The following AGMO variants were observed in gnomAD, a reference collection of about 807,000 sequenced individuals.
The protein encoded by AGMO is alkylglycerol monooxygenase, also known as glyceryl-ether monooxygenase.
Under a neutral mutation model 60.2 loss-of-function variants are expected in AGMO, and 75 were observed. The observed-to-expected ratio is 1.25, with a 90% confidence interval of 1.03 to 1.51. The LOEUF is 1.51. AGMO is among the 40% of genes most tolerant of loss of function. The pLI, the probability that AGMO is intolerant of heterozygous loss-of-function variation, is 0.00. For missense variants in AGMO, 763 were observed against 525.5 expected (o/e 1.45, Z -4.42); for synonymous variants, 261 against 177.1 (o/e 1.47, Z -3.76).
chr7:15,544,722 C>T, intron 3 of AGMO, 50 bp downstream of exon 3: 13 of 1,428,244 alleles, frequency 9.1e-6, no homozygotes, highest in Non-Finnish European at 1.2e-5. Flanking sequence ...GTACTATGTA[C>T]CAAACACAGT....
chr7:15,438,656 A>T (rs1781464256), intron 3 of AGMO, among the ~76,000 whole-genome samples: 1 of 152,154 alleles, frequency 6.6e-6, no homozygotes. Flanking sequence ...AACAGCAATC[A>T]ACATGACGAA....
chr7:15,533,374 T>A (rs1362969302), intron 3 of AGMO, among the ~76,000 whole-genome samples: 1 of 152,166 alleles, frequency 6.6e-6, no homozygotes, highest in East Asian at 1.9e-4. Context: ...ACAATAACAA[T>A]GTACCTATAT....
chr7:15,449,441 C>T (rs1781799271), intron 3 of AGMO, among the ~76,000 whole-genome samples: 1 of 151,888 alleles, frequency 6.6e-6, no homozygotes, highest in African/African-American at 2.4e-5. Flanking sequence ...CATAGTGGTC[C>T]CATAAGATTA....
At chr7:15,488,731 A>G (rs1276061161) in intron 3 of AGMO, among the ~76,000 whole-genome samples, 1 of 152,194 alleles carries the variant, frequency 6.6e-6, no homozygotes, top group Admixed American at 6.5e-5. Flanking sequence ...TTCCTAAGAT[A>G]ACTAGCCAGG....
intron 3 of AGMO, among the ~76,000 whole-genome samples, chr7:15,516,598 T>C (rs1486662485): frequency 2.0e-5 from 3 of 152,206 alleles, no homozygotes; most frequent in Admixed American, 2.0e-4. Context: ...TTTGTAAAGA[T>C]GCAGGTATTG....
At chr7:15,393,542 T>C (rs762350687) in intron 6 of AGMO, among the ~76,000 whole-genome samples, 7 of 152,246 alleles carry the variant, frequency 4.6e-5, no homozygotes, top group African/African-American at 1.4e-4. Flanking sequence ...CATTGCTATA[T>C]AGGGCTTGGG....
At chr7:15,149,369 C>G in the AGMO span, among the ~76,000 whole-genome samples, 2 of 152,080 alleles carry the variant, frequency 1.3e-5, no homozygotes, top group Non-Finnish European at 2.9e-5. Context: ...CTTTTGGAGA[C>G]TTCACCATGA....
At chr7:15,284,610 C>A (rs1420918217) in intron 12 of AGMO, among the ~76,000 whole-genome samples, 1 of 151,948 alleles carries the variant, frequency 6.6e-6, no homozygotes, top group Non-Finnish European at 1.5e-5. Context: ...AGACCAGGGC[C>A]AGATGGATCC....
chr7:15,555,239 A>C (rs1236675904), intron 2 of AGMO, among the ~76,000 whole-genome samples: 1 of 149,312 alleles, frequency 6.7e-6, no homozygotes, highest in Non-Finnish European at 1.5e-5. Flanking sequence ...TTAAAACTCC[A>C]AGAAGTTACA....
In AGMO at chr7:15,283,608, T is replaced by G. The variant is rs147321450; in HGVS notation, c.1263+81906A>C. Among the ~76,000 whole-genome samples the G allele has an allele frequency of 1.1e-3, 169 of 151,846 alleles. 1 individual carries two copies. Among genetic ancestry groups the G allele is most frequent in the Non-Finnish European group, 1.6e-3 (108 of 67,748 alleles). ...AACAAATACTACTAGACCTAAAAAA[T>G]GAGATGAATAGTAATGCAATAATAA... On this transcript the variant is annotated intron_variant, in intron 12 of 12. Transcript: ENST00000342526.
intron 3 of AGMO, among the ~76,000 whole-genome samples, chr7:15,477,228 A>T (rs1420576137): frequency 1.3e-5 from 2 of 152,134 alleles, no homozygotes; most frequent in Admixed American, 1.3e-4. Context: ...TAAAATAAAT[A>T]TTGAAGAACA....
chr7:15,136,263 G>A, the AGMO span, among the ~76,000 whole-genome samples: 1 of 151,994 alleles, frequency 6.6e-6, no homozygotes, highest in African/African-American at 2.4e-5. Flanking sequence ...AAAGTGCTGG[G>A]ATTACAGGCA....
intron 3 of AGMO, among the ~76,000 whole-genome samples, chr7:15,540,495 T>A (rs1202918298): frequency 1.3e-5 from 2 of 152,158 alleles, no homozygotes; most frequent in Non-Finnish European, 2.9e-5. Context: ...TGTTCTGGCT[T>A]TGCAGTGTCC....
At chr7:15,347,558 G>C (rs192745932) in intron 12 of AGMO, among the ~76,000 whole-genome samples, 1 of 151,548 alleles carries the variant, frequency 6.6e-6, no homozygotes, top group African/African-American at 2.4e-5. Flanking sequence ...TTAAAACCTC[G>C]CCTAGAAGAT....
intron 12 of AGMO, among the ~76,000 whole-genome samples, chr7:15,251,122 C>G (rs1380377126): frequency 6.6e-6 from 1 of 151,898 alleles, no homozygotes; most frequent in East Asian, 1.9e-4. Flanking sequence ...ATACTTTAGC[C>G]CAGCTCAAAA....
chr7:15,184,386 A>AT, the AGMO span, among the ~76,000 whole-genome samples: 1 of 108,860 alleles, frequency 9.2e-6, no homozygotes, highest in African/African-American at 3.9e-5. Context: ...GAAGGAAGGA[A>AT]AGAAGAGAGG....
At chr7:15,545,430 G>C (rs371108864) in intron 2 of AGMO, among the ~76,000 whole-genome samples, 1 of 151,904 alleles carries the variant, frequency 6.6e-6, no homozygotes, top group Non-Finnish European at 1.5e-5. Flanking sequence ...AGTTGCTTCT[G>C]TCTAAATCTA....
chr7:15,223,875 A>C (rs1335855786), intron 12 of AGMO, among the ~76,000 whole-genome samples: 2 of 151,844 alleles, frequency 1.3e-5, no homozygotes, highest in Non-Finnish European at 2.9e-5. Context: ...AATTATGAAT[A>C]TGTCAATGTC....
At chr7:15,524,815 T>C (rs1261493213) in intron 3 of AGMO, among the ~76,000 whole-genome samples, 1 of 147,310 alleles carries the variant, frequency 6.8e-6, no homozygotes, top group Non-Finnish European at 1.5e-5. Flanking sequence ...TGAGCTGAGA[T>C]CACGCCATTG....
Sources: allele counts gnomAD v4.1 joint callset (sites outside exome capture counted in the v4.1 genomes callset), GRCh38; gene constraint gnomAD v4.1.1; transcripts MANE v1.5; gene names NCBI Gene and HGNC (gene_info 2026-07-23, HGNC 2026-07-21).